The following CDH11 variants were observed in gnomAD, a reference collection of about 807,000 sequenced individuals.
CDH11 encodes the protein cadherin-11.
In CDH11, 11 loss-of-function variants were observed where a neutral mutation model predicts 67.8. The ratio of observed to expected loss-of-function variants is 0.16; its 90% CI spans 0.10 to 0.27. The LOEUF (loss-of-function observed/expected upper bound fraction) is 0.27, where lower values mean the gene tolerates loss of function less well. Ranked by LOEUF, CDH11 falls within the 10% of genes least tolerant of loss-of-function variation. The pLI is 1.00. For synonymous variants in CDH11, 419 were observed against 400.0 expected (o/e 1.05, Z -0.57); for missense variants, 847 against 1,031.2 (o/e 0.82, Z 2.45).
intron 2 of CDH11, among the ~76,000 whole-genome samples, chr16:65,028,171 C>T (rs1597109035): frequency 6.6e-6 from 1 of 152,164 alleles, no homozygotes; most frequent in East Asian, 1.9e-4. Context: ...TCCTGGGAAA[C>T]CCACTGTCTG....
intron 1 of CDH11, among the ~76,000 whole-genome samples, chr16:65,063,044 T>C (rs1447313808): frequency 6.6e-6 from 1 of 152,178 alleles, no homozygotes; most frequent in African/African-American, 2.4e-5. Flanking sequence ...TTGCTGGACT[T>C]TATTGGTGGA....
rs539932503 is a variant in CDH11 at position 65,046,437 on chromosome 16, A to C, written c.-173+7367T>G. ...CCAGCCATCTCCATCCTAGGGATGG[A>C]TCCCCATCCTGGGGGTGGATTTGCT... On this transcript the variant is annotated intron_variant, in intron 2 of 12. Transcript: ENST00000268603. 6.6e-3 allele frequency among the ~76,000 whole-genome samples: 998 copies of C among 152,280 alleles called. 12 individuals are homozygous for C. Among genetic ancestry groups the C allele is most frequent in the African/African-American group, 0.022 (926 of 41,574 alleles).
intron 2 of CDH11, among the ~76,000 whole-genome samples, chr16:65,014,034 A>C (rs929902463): frequency 6.6e-6 from 1 of 152,208 alleles, no homozygotes; most frequent in Non-Finnish European, 1.5e-5. Context: ...CAGGTAATTA[A>C]GAAGATGAGT....
chr16:65,069,209 A>G (rs1003051267), intron 1 of CDH11, among the ~76,000 whole-genome samples: 1 of 152,220 alleles, frequency 6.6e-6, no homozygotes, highest in Non-Finnish European at 1.5e-5. Flanking sequence ...CAAAGTCACA[A>G]TGCTGTGACT....
Position 64,992,965 on chromosome 16 carries a change from A to G in CDH11, c.593T>C (p.Val198Ala), listed in dbSNP as rs1229527276. ...GGGTTGTCCTTCGAGGATACTGTACACTAACTTGGCGCTATTTCCATAAGT... is the reference window on the plus strand; with the variant it reads ...GGGTTGTCCTTCGAGGATACTGTACGCTAACTTGGCGCTATTTCCATAAGT... ...DPTYGNSAKL[V>A]YSILEGQPYF... is the part of the protein sequence containing the mutation. The change falls in exon 5 of 13, where the codon GTG becomes GCG. Residue 198 changes from valine to alanine, a missense_variant. Physicochemically the swap from Val to Ala is moderately conservative, Grantham distance 64. Transcript: ENST00000268603. 4 of 1,612,140 alleles carry G rather than the reference A, an allele frequency of 2.5e-6. No homozygotes were observed. Among genetic ancestry groups the G allele is most frequent in the Non-Finnish European group, 3.4e-6 (4 of 1,178,346 alleles).
chr16:64,948,448 C>A (rs1220243310), intron 12 of CDH11: 8 of 692,604 alleles, frequency 1.2e-5, no homozygotes, highest in Non-Finnish European at 2.0e-5. Flanking sequence ...GTGGCTAATG[C>A]CAATTTCTCT....
At chr16:65,031,772 G>A (rs191132675) in intron 2 of CDH11, among the ~76,000 whole-genome samples, 1 of 152,086 alleles carries the variant, frequency 6.6e-6, no homozygotes, top group Non-Finnish European at 1.5e-5. Context: ...TTTGGCCACT[G>A]CAAATGAAGA....
intron 4 of CDH11, among the ~76,000 whole-genome samples, chr16:64,995,544 A>T (rs2142502679): frequency 6.6e-6 from 1 of 152,370 alleles, no homozygotes; most frequent in South Asian, 2.1e-4. Flanking sequence ...AGCCTCATGC[A>T]GAAGAGTGAA....
Position 65,111,096 on chromosome 16 carries a change from C to T in CDH11, c.-298+10784G>A, listed in dbSNP as rs75831175. ...GAGGAAACCAACCCATAGCATGAGA[C>T]TAGGAGGGATGACAGATATGCTGAA... On this transcript the variant is annotated intron_variant, in intron 1 of 12. Transcript: ENST00000268603. Among the ~76,000 whole-genome samples, 622 of 152,166 alleles carry T rather than the reference C, an allele frequency of 4.1e-3. 18 individuals are homozygous for T. The East Asian group carries it at 0.085, about 21-fold the overall frequency.
At chr16:65,049,023 A>G (rs1047937445) in intron 2 of CDH11, among the ~76,000 whole-genome samples, 5 of 152,126 alleles carry the variant, frequency 3.3e-5, no homozygotes, top group Non-Finnish European at 7.4e-5. Context: ...AGATATAAAG[A>G]TGGCAATAAT....
intron 2 of CDH11, among the ~76,000 whole-genome samples, chr16:65,016,723 C>G (rs544254241): frequency 5.9e-5 from 9 of 152,184 alleles, no homozygotes; most frequent in African/African-American, 2.2e-4. Flanking sequence ...AAGAGCAATC[C>G]CAGACAGTAA....
At chr16:65,032,647 A>C (rs182933517) in intron 2 of CDH11, among the ~76,000 whole-genome samples, 1 of 152,114 alleles carries the variant, frequency 6.6e-6, no homozygotes, top group Non-Finnish European at 1.5e-5. Context: ...AAGAAAAGTG[A>C]CTCATTATAT....
At chr16:64,972,699 C>G (rs2072041897) in intron 9 of CDH11, among the ~76,000 whole-genome samples, 1 of 152,136 alleles carries the variant, frequency 6.6e-6, no homozygotes, top group Non-Finnish European at 1.5e-5. Flanking sequence ...CAAGTCTATA[C>G]CCAGTTCTGT....
chr16:65,090,761 C>T (rs1285756059), intron 1 of CDH11, among the ~76,000 whole-genome samples: 1 of 152,100 alleles, frequency 6.6e-6, no homozygotes, highest in East Asian at 1.9e-4. Context: ...AAATTAAAAA[C>T]AAAATGTAAA....
Position 65,015,015 on chromosome 16 carries a change from T to TTTATTATTATTATTATTA in CDH11, c.-172-9992_-172-9975dup, listed in dbSNP as rs71143548. 6.6e-4 allele frequency among the ~76,000 whole-genome samples: 89 copies of TTTATTATTATTATTATTA among 135,860 alleles called. 1 individual carries two copies. Among genetic ancestry groups the TTTATTATTATTATTATTA allele is most frequent in the African/African-American group, 2.4e-3 (84 of 35,704 alleles). 89.1% of individuals were successfully genotyped at this position (135,860 alleles called of 152,430 possible). On this transcript the variant is annotated intron_variant, in intron 2 of 12. Transcript: ENST00000268603. The stretch of plus-strand genomic sequence containing the variant: ...GGCATAGGCCACCATGCCTGGCTAA[T>TTTATTATTATTATTATTA]TTATTATTATTATTATTATTATTAT...
At chr16:64,956,615 C>A (rs981899135) in intron 11 of CDH11, among the ~76,000 whole-genome samples, 1 of 152,276 alleles carries the variant, frequency 6.6e-6, no homozygotes, top group East Asian at 1.9e-4. Context: ...TGTTTTCCCC[C>A]ACTTAGGCCA....
intron 11 of CDH11, chr16:64,968,607 C>T: frequency 2.1e-6 from 2 of 971,114 alleles, no homozygotes; most frequent in Non-Finnish European, 2.4e-6. Context: ...AAATAAAAAG[C>T]TTGTGTGTAT....
chr16:65,058,151 G>C (rs1323840153), intron 1 of CDH11, among the ~76,000 whole-genome samples: 2 of 152,124 alleles, frequency 1.3e-5, no homozygotes, highest in African/African-American at 4.8e-5. Flanking sequence ...GAGCCTGGGG[G>C]ATCGAGGCTG....
At position 64,946,470 on chromosome 16, in the gene CDH11, A is replaced by G. The variant is rs2071199899; in HGVS notation, c.*1133T>C. ...CTGATATACAAGATAAATGCATACT[A>G]TATAACACATATTGCAAAGTCATAG... is the stretch of plus-strand genomic sequence containing the variant. On this transcript the variant is annotated 3_prime_UTR_variant, in exon 13 of 13. Transcript: ENST00000268603. The G allele has an allele frequency of 9.7e-7, 1 of 1,030,986 alleles. No homozygotes were observed. The highest frequency in any genetic ancestry group is 5.7e-5 in the Admixed American group (1 of 17,560). 63.9% of individuals were successfully genotyped at this position (1,030,986 alleles called of 1,614,324 possible).
Sources: allele counts gnomAD v4.1 joint callset (sites outside exome capture counted in the v4.1 genomes callset), GRCh38; gene constraint gnomAD v4.1.1; transcripts MANE v1.5; gene names NCBI Gene and HGNC (gene_info 2026-07-23, HGNC 2026-07-21).